The following KIAA2012 variants were observed in gnomAD, a reference collection of about 807,000 sequenced individuals.
KIAA2012 encodes the protein uncharacterized protein KIAA2012.
In KIAA2012, 125 loss-of-function variants were observed where a neutral mutation model predicts 150.6. The ratio of observed to expected loss-of-function variants is 0.83; its 90% CI spans 0.72 to 0.96. The LOEUF (loss-of-function observed/expected upper bound fraction) is 0.96, where lower values mean the gene tolerates loss of function less well. Among genes scored for constraint, KIAA2012 ranks in the 40% least tolerant of loss-of-function variants. The pLI is 0.00. For synonymous variants in KIAA2012, 462 were observed against 504.7 expected (o/e 0.92, Z 1.13); for missense variants, 1,219 against 1,354.9 (o/e 0.90, Z 1.57).
At chr2:202,182,784 A>G (rs1692148167) in intron 15 of KIAA2012, among the ~76,000 whole-genome samples, 1 of 152,194 alleles carries the variant, frequency 6.6e-6, no homozygotes, top group African/African-American at 2.4e-5. Flanking sequence ...CATTCCAAAC[A>G]GCAGTAGATG....
At chr2:202,091,478 A>G (rs1575005387) in intron 3 of KIAA2012, among the ~76,000 whole-genome samples, 1 of 152,056 alleles carries the variant, frequency 6.6e-6, no homozygotes, top group South Asian at 2.1e-4. Context: ...AGCGCAATCC[A>G]TTAGGAGTGC....
At chr2:202,155,270 G>A (rs16838893) in intron 14 of KIAA2012, among the ~76,000 whole-genome samples, 3,201 of 152,200 alleles carry the variant, frequency 0.021, 107 homozygotes, top group African/African-American at 0.069. Context: ...TTCTCTAAGA[G>A]TTCATTGATC....
chr2:202,142,103 A>T (rs1244332812), intron 13 of KIAA2012, among the ~76,000 whole-genome samples: 1 of 152,234 alleles, frequency 6.6e-6, no homozygotes, highest in Non-Finnish European at 1.5e-5. Context: ...TATGAAAAAA[A>T]TCATTCATCT....
chr2:202,144,755 G>T (rs1187393752), intron 13 of KIAA2012, among the ~76,000 whole-genome samples: 1 of 152,194 alleles, frequency 6.6e-6, no homozygotes, highest in African/African-American at 2.4e-5. Flanking sequence ...ACTTTGGGAG[G>T]CCAAGGTGGG....
intron 17 of KIAA2012, 47 bp from the exon 18 acceptor site, chr2:202,188,105 A>T (rs1205708131): frequency 1.4e-6 from 2 of 1,443,300 alleles, no homozygotes; most frequent in Admixed American, 4.6e-5. Context: ...GGATTTTTTC[A>T]TTTCCTATAC....
In KIAA2012 at chr2:202,138,381, G is replaced by A. The variant is rs756995138; in HGVS notation, c.1832-51G>A. The A allele has an allele frequency of 2.1e-5, 28 of 1,353,336 alleles. No individual in the cohort carries two copies. The South Asian group carries it at 2.8e-4, about 13-fold the overall frequency. The allele number at this position is 1,353,336 out of a possible 1,614,324, so 83.8% of individuals were successfully genotyped here. ...GTATGGTATATATAAAAAGTCATGA[G>A]ATCCAGATCTGACCACCTTGATCTT... On this transcript the variant is annotated intron_variant, in intron 12 of 23. Transcript: ENST00000498697.
intron 14 of KIAA2012, among the ~76,000 whole-genome samples, chr2:202,161,352 C>T (rs1691651265): frequency 6.6e-6 from 1 of 152,182 alleles, no homozygotes; most frequent in Admixed American, 6.5e-5. Context: ...TCAGTCTTAT[C>T]AGTGGTTTGC....
chr2:202,135,400 T>A (rs1188718055), intron 12 of KIAA2012, among the ~76,000 whole-genome samples: 1 of 152,230 alleles, frequency 6.6e-6, no homozygotes, highest in Non-Finnish European at 1.5e-5. Flanking sequence ...GGTCGATGGG[T>A]TAATCAGTTT....
intron 15 of KIAA2012, among the ~76,000 whole-genome samples, chr2:202,180,440 T>C (rs1373845952): frequency 6.6e-6 from 1 of 152,196 alleles, no homozygotes; most frequent in Non-Finnish European, 1.5e-5. Context: ...AAAATGACAC[T>C]TATAAATCCT....
chr2:202,075,549 C>T (rs1689307596), intron 2 of KIAA2012, among the ~76,000 whole-genome samples: 2 of 152,192 alleles, frequency 1.3e-5, no homozygotes, highest in African/African-American at 4.8e-5. Context: ...CATCATCCCA[C>T]CTCTGATGTT....
intron 11 of KIAA2012, among the ~76,000 whole-genome samples, chr2:202,119,221 A>G (rs2049194): frequency 0.77 from 117,316 of 151,918 alleles, 45,643 homozygotes; most frequent in South Asian, 0.82. Flanking sequence ...GCAGTGAGCC[A>G]AGATAGTGCC....
rs772555592 is a variant in KIAA2012, at chr2:202,136,080, T to C, written c.1832-2352T>C. 57 of 402,456 alleles carry C rather than the reference T, an allele frequency of 1.4e-4. 1 individual carries two copies. Among genetic ancestry groups the C allele is most frequent in the South Asian group, 4.4e-4 (24 of 54,526 alleles). 24.9% of individuals were successfully genotyped at this position (402,456 alleles called of 1,614,324 possible). On this transcript the variant is annotated intron_variant, in intron 12 of 23. Coordinates refer to ENST00000498697, the MANE Select transcript of KIAA2012 (RefSeq NM_001277372.4). Reference sequence around the variant, plus strand: ...TTCTTGGTCTCGCTGACTTCAAGAATGAAGCCGCAGACCTTCGTGGTGAGT... The same window carrying C: ...TTCTTGGTCTCGCTGACTTCAAGAACGAAGCCGCAGACCTTCGTGGTGAGT...
chr2:202,124,503 G>A (rs1227307989), intron 11 of KIAA2012, among the ~76,000 whole-genome samples: 1 of 152,146 alleles, frequency 6.6e-6, no homozygotes, highest in African/African-American at 2.4e-5. Context: ...GCTACAACTG[G>A]AGAGGGGGGC....
intron 9 of KIAA2012, among the ~76,000 whole-genome samples, chr2:202,107,244 TAA>T (rs5837804): frequency 6.6e-6 from 1 of 151,378 alleles, no homozygotes; most frequent in East Asian, 1.9e-4. Flanking sequence ...AAAAAAAAAA[TAA>T]AAAAAGAATA....
rs1271831480 is a variant in KIAA2012, at chr2:202,073,706, C to A, written c.79C>A (p.Pro27Thr). 1 of 1,550,294 alleles carries A rather than the reference C, an allele frequency of 6.5e-7. No homozygotes were observed. The highest frequency in any genetic ancestry group is 1.2e-5 in the South Asian group (1 of 84,018). Residue 27 changes from proline to threonine, a missense_variant, in exon 1 of 24, where the codon CCA becomes ACA. Physicochemically the swap from Pro to Thr is conservative, Grantham distance 38. Coordinates refer to ENST00000498697, the MANE Select transcript of KIAA2012 (RefSeq NM_001277372.4). ...ACAGAAGTTAGAAGTCTACTTTGAA[C>A]CAGAGGTGAGTCCCACAGCTGAAGA... ...DKQKLEVYFE[P>T]EDYLNWRSPE...
chr2:202,136,043 G>T, intron 12 of KIAA2012: 1 of 396,194 alleles, frequency 2.5e-6, no homozygotes, highest in South Asian at 1.9e-5. Context: ...TGTTGTGTCC[G>T]GAAATGGTGG....
chr2:202,097,320 G>C, intron 4 of KIAA2012, 115 bp from the exon 5 acceptor site: 1 of 1,464,118 alleles, frequency 6.8e-7, no homozygotes, highest in Non-Finnish European at 9.1e-7. Flanking sequence ...GGGGGAGCAA[G>C]GGAGGGCCTT....
intron 2 of KIAA2012, among the ~76,000 whole-genome samples, chr2:202,076,151 CAG>C (rs1204837360): frequency 6.6e-6 from 1 of 152,206 alleles, no homozygotes; most frequent in East Asian, 1.9e-4. Flanking sequence ...CTTGCCTAGG[CAG>C]AGATAGCTCA....
At chr2:202,204,088 T>G (rs1692590165) in intron 23 of KIAA2012, among the ~76,000 whole-genome samples, 1 of 151,336 alleles carries the variant, frequency 6.6e-6, no homozygotes, top group Admixed American at 6.6e-5. Context: ...TTTTTTTTTT[T>G]TTTTTTAAGA....
Sources: allele counts gnomAD v4.1 joint callset (sites outside exome capture counted in the v4.1 genomes callset), GRCh38; gene constraint gnomAD v4.1.1; transcripts MANE v1.5; gene names NCBI Gene and HGNC (gene_info 2026-07-23, HGNC 2026-07-21).